Variants in STPG2 observed in about 807,000 individuals in gnomAD.
STPG2 encodes sperm tail PG-rich repeat containing 2.
STPG2 carries 56 observed loss-of-function variants against 54.2 expected under a neutral mutation model. The observed-to-expected ratio is 1.03, with a 90% CI of 0.83 to 1.29. STPG2 has a LOEUF of 1.29. Ranked by LOEUF, STPG2 falls within the 50% of genes most tolerant of loss-of-function variation. The probability of loss-of-function intolerance (pLI) is 0.00; values close to 1 mark genes in which losing one functional copy is unlikely to be tolerated. For synonymous variants in STPG2, 200 were observed against 181.8 expected (o/e 1.10, Z -0.81); for missense variants, 596 against 544.9 (o/e 1.09, Z -0.93).
intron 10 of STPG2, among the ~76,000 whole-genome samples, chr4:97,596,891 G>C (rs1028789320): frequency 2.0e-5 from 3 of 151,652 alleles, no homozygotes; most frequent in African/African-American, 4.8e-5. Context: ...CCCCAAGCTA[G>C]CAGAAAACAA....
intron 4 of STPG2, among the ~76,000 whole-genome samples, chr4:97,460,037 A>C (rs753734570): frequency 6.6e-6 from 1 of 152,214 alleles, no homozygotes. Flanking sequence ...GGCCATTCAC[A>C]TCACAATCAG....
chr4:97,678,537 T>C (rs958069336), intron 10 of STPG2, among the ~76,000 whole-genome samples: 4 of 152,138 alleles, frequency 2.6e-5, no homozygotes, highest in African/African-American at 9.7e-5. Flanking sequence ...AGATACTTTT[T>C]TCGTAACCCA....
At chr4:97,745,244 TA>T (rs747883049) in intron 9 of STPG2, among the ~76,000 whole-genome samples, 1 of 141,704 alleles carries the variant, frequency 7.1e-6, no homozygotes, top group Non-Finnish European at 1.5e-5. Context: ...GGCATAAAAC[TA>T]AAAAAAAAAC....
At chr4:97,596,628 T>C (rs535587906) in intron 10 of STPG2, among the ~76,000 whole-genome samples, 4 of 152,072 alleles carry the variant, frequency 2.6e-5, no homozygotes, top group South Asian at 2.1e-4. Context: ...AACTATACAA[T>C]TGCAGGAAAA....
chr4:97,806,404 T>C (rs1876192), intron 9 of STPG2, among the ~76,000 whole-genome samples: 60,142 of 151,872 alleles, frequency 0.4, 12,053 homozygotes, highest in Middle Eastern at 0.46. Flanking sequence ...AAACAATCGC[T>C]TGGGTACCAT....
At chr4:97,972,220 G>A in intron 7 of STPG2, 60 bp downstream of exon 7, 1 of 1,140,548 alleles carries the variant, frequency 8.8e-7, no homozygotes, top group South Asian at 2.3e-5. Flanking sequence ...GTAATTTCAA[G>A]AGAACCCTAA....
intron 8 of STPG2, among the ~76,000 whole-genome samples, chr4:97,904,239 A>G (rs13140514): frequency 0.38 from 57,307 of 151,906 alleles, 10,891 homozygotes; most frequent in Middle Eastern, 0.46. Context: ...CTCCCAGCAC[A>G]CAGCTGGAGA....
At chr4:97,611,558 T>C (rs1733730776) in intron 10 of STPG2, among the ~76,000 whole-genome samples, 1 of 151,952 alleles carries the variant, frequency 6.6e-6, no homozygotes, top group African/African-American at 2.4e-5. Context: ...AGAAGTAAAA[T>C]AGATTTAGGA....
chr4:97,562,846 A>G (rs1006172510), intron 10 of STPG2, among the ~76,000 whole-genome samples: 2 of 152,056 alleles, frequency 1.3e-5, no homozygotes, highest in African/African-American at 4.8e-5. Flanking sequence ...CGGTTTGCCA[A>G]TATTTTATCG....
intron 9 of STPG2, among the ~76,000 whole-genome samples, chr4:97,788,901 G>C (rs943215319): frequency 6.6e-6 from 1 of 151,826 alleles, no homozygotes; most frequent in Admixed American, 6.6e-5. Context: ...TCTTCTTCTT[G>C]TCTTGAACGT....
chr4:98,022,037 T>C (rs932810404), intron 5 of STPG2, among the ~76,000 whole-genome samples: 10 of 151,860 alleles, frequency 6.6e-5, no homozygotes, highest in Non-Finnish European at 1.3e-4. Flanking sequence ...AATATTGTTA[T>C]GTGTGAATTT....
intron 8 of STPG2, among the ~76,000 whole-genome samples, chr4:97,931,221 C>G (rs1287109927): frequency 6.6e-6 from 1 of 152,060 alleles, no homozygotes; most frequent in Non-Finnish European, 1.5e-5. Context: ...CAATACTATG[C>G]TGAATAAAAG....
chr4:98,066,604 TA>T (rs1000608922), intron 5 of STPG2, among the ~76,000 whole-genome samples: 1 of 151,266 alleles, frequency 6.6e-6, no homozygotes, highest in South Asian at 2.1e-4. Context: ...AAAAATAAAA[TA>T]AAAAAAGAGC....
chr4:97,473,552 G>A (rs750569102), intron 4 of STPG2, among the ~76,000 whole-genome samples: 1 of 152,040 alleles, frequency 6.6e-6, no homozygotes, highest in Non-Finnish European at 1.5e-5. Context: ...ATGACAATGC[G>A]TGCCCGAAAC....
chr4:98,023,363 G>T (rs556933364), intron 5 of STPG2, among the ~76,000 whole-genome samples: 15 of 152,144 alleles, frequency 9.9e-5, no homozygotes, highest in African/African-American at 3.6e-4. Flanking sequence ...TTCGTGAACC[G>T]CAAATGTTGC....
intron 5 of STPG2, among the ~76,000 whole-genome samples, chr4:98,057,009 T>G (rs1443177652): frequency 3.3e-5 from 5 of 152,078 alleles, no homozygotes; most frequent in African/African-American, 1.2e-4. Flanking sequence ...AATTAACCAG[T>G]CTCAGGTAGT....
At chr4:97,911,660 A>G (rs1731681394) in intron 8 of STPG2, among the ~76,000 whole-genome samples, 1 of 152,152 alleles carries the variant, frequency 6.6e-6, no homozygotes, top group Non-Finnish European at 1.5e-5. Context: ...CAACTCTAGC[A>G]AGGGTTTTAC....
intron 10 of STPG2, among the ~76,000 whole-genome samples, chr4:97,565,931 G>T (rs1054764469): frequency 1.4e-4 from 21 of 152,190 alleles, no homozygotes; most frequent in Admixed American, 1.4e-3. Flanking sequence ...CAGATCTCCA[G>T]CTGCATGCTG....
Position 97,610,940 on chromosome 4 carries a change from A to G in STPG2, c.1321-51823T>C, listed in dbSNP as rs570381137. Among the ~76,000 whole-genome samples the G allele has an allele frequency of 3.1e-3, 473 of 152,238 alleles. 3 individuals carry two copies. The highest frequency in any genetic ancestry group is 0.011 in the African/African-American group (453 of 41,572). ...AATAAAAGTAAATTTTAGAAAACAC[A>G]TAGGTGAAATATTTTTCCATTCATA... On this transcript the variant is annotated intron_variant, in intron 10 of 10. Transcript: ENST00000295268.
Sources: gnomAD v4.1 joint callset for allele counts (sites outside exome capture counted in the v4.1 genomes callset) on GRCh38, gnomAD v4.1.1 for gene constraint, MANE v1.5 for transcripts, NCBI Gene and HGNC (gene_info 2026-07-23, HGNC 2026-07-21) for gene names.